Variants in LTBP4 observed in about 807,000 individuals in gnomAD.
LTBP4 encodes latent transforming growth factor beta binding protein 4, also known as latent-transforming growth factor beta-binding protein 4.
LTBP4 carries 93 observed loss-of-function variants against 180.2 expected under a neutral mutation model. That is an observed-to-expected ratio of 0.52 (90% CI 0.44 to 0.61). LTBP4 has a LOEUF of 0.61. LTBP4 is among the 20% of genes least tolerant of loss of function. The probability of loss-of-function intolerance (pLI) is 0.00; values close to 1 mark genes in which losing one functional copy is unlikely to be tolerated. For synonymous variants in LTBP4, 947 were observed against 934.5 expected (o/e 1.01, Z -0.24); for missense variants, 2,116 against 2,256.5 (o/e 0.94, Z 1.26).
intron 1 of LTBP4, among the ~76,000 whole-genome samples, chr19:40,602,533 A>C (rs915492620): frequency 6.6e-6 from 1 of 151,848 alleles, no homozygotes; most frequent in African/African-American, 2.4e-5. Flanking sequence ...GCGTGAGCTC[A>C]TCTCCCGCCT....
chr19:40,618,208 C>G (rs900500908), intron 21 of LTBP4, among the ~76,000 whole-genome samples: 12 of 151,836 alleles, frequency 7.9e-5, no homozygotes, highest in African/African-American at 2.9e-4. Flanking sequence ...GCTGCTACCA[C>G]AGGCACACGC....
At chr19:40,620,409 T>C (rs1311794306) in intron 22 of LTBP4, among the ~76,000 whole-genome samples, 1 of 152,064 alleles carries the variant, frequency 6.6e-6, no homozygotes, top group East Asian at 1.9e-4. Flanking sequence ...AGCTAATTTT[T>C]GTATTTTTTG....
In LTBP4 at chr19:40,625,301, TATATATA is replaced by T. The variant is rs2081623627; in HGVS notation, c.3833-555_3833-549del. Among the ~76,000 whole-genome samples, 3 of 20,386 alleles carry T rather than the reference TATATATA, an allele frequency of 1.5e-4. 1 individual carries two copies. The highest frequency in any genetic ancestry group is 8.5e-4 in the African/African-American group (2 of 2,358). 13.4% of individuals were successfully genotyped at this position (20,386 alleles called of 152,430 possible). ...ATATATATATATATATATATATATA[TATATATA>T]TATATATATTTTTTTTTTTAAAGAT... On this transcript the variant is annotated intron_variant, in intron 26 of 29. Coordinates refer to ENST00000396819, the MANE Select transcript of LTBP4 (RefSeq NM_001042545.2).
Position 40,623,672 on chromosome 19 carries a change from G to A in LTBP4, c.3625G>A (p.Gly1209Ser), listed in dbSNP as rs1242714390. 2.5e-6 allele frequency: 4 copies of A among 1,613,728 alleles called. No individual in the cohort carries two copies. The highest frequency in any genetic ancestry group is 2.2e-5 in the East Asian group (1 of 44,870). The change falls in exon 25 of 30, where the codon GGC becomes AGC. Residue 1209 changes from glycine to serine, a missense_variant. Physicochemically the swap from Gly to Ser is moderately conservative, Grantham distance 56. Transcript: ENST00000396819. ...KSGVCVNTAPGYSCYCSNGYY... is the reference protein window; with the variant it reads ...KSGVCVNTAPSYSCYCSNGYY... ...TGGCGTGTGTGTGAACACGGCCCCG[G>A]GCTACTCATGCTATTGCAGCAACGG... is the stretch of plus-strand genomic sequence containing the variant.
At position 40,606,312 on chromosome 19, in the gene LTBP4, A is replaced by G; in HGVS notation, c.868+5A>G. The G allele has an allele frequency of 3.7e-6, 6 of 1,601,736 alleles. No homozygotes were observed. The highest frequency in any genetic ancestry group is 5.1e-6 in the Non-Finnish European group (6 of 1,174,270). Reference sequence around the variant, plus strand: ...GAGTTAATGGGTCCTGCGAAGGTGCAACGGGGCAGGGGTGGGAGGGGCTTG... The same window carrying G: ...GAGTTAATGGGTCCTGCGAAGGTGCGACGGGGCAGGGGTGGGAGGGGCTTG... On this transcript the variant is annotated splice_donor_5th_base_variant and intron_variant, in intron 5 of 29. Coordinates refer to ENST00000396819, the MANE Select transcript of LTBP4 (RefSeq NM_001042545.2).
chr19:40,618,259 GTTT>G (rs1055926861), intron 21 of LTBP4, among the ~76,000 whole-genome samples: 1 of 135,884 alleles, frequency 7.4e-6, no homozygotes, highest in Non-Finnish European at 1.6e-5. Context: ...GTAGAGATGA[GTTT>G]TTTTTTTTTT....
At chr19:40,597,293 T>A, upstream of LTBP4, 1 of 1,523,772 alleles carries the variant, frequency 6.6e-7, no homozygotes, top group Non-Finnish European at 8.8e-7. Flanking sequence ...TTGCTGCCGC[T>A]CTTCGCAGCC....
intron 7 of LTBP4, 36 bp downstream of exon 7, chr19:40,607,565 A>G: frequency 6.4e-7 from 1 of 1,563,766 alleles, no homozygotes; most frequent in South Asian, 1.2e-5. Flanking sequence ...CCTACGCGCA[A>G]CACATGTGGC....
chr19:40,614,792 C>G (rs1357750018), intron 19 of LTBP4, among the ~76,000 whole-genome samples: 1 of 152,166 alleles, frequency 6.6e-6, no homozygotes, highest in Non-Finnish European at 1.5e-5. Context: ...GGCCCCTTCT[C>G]TTCCTAACAG....
intron 12 of LTBP4, 84 bp downstream of exon 12, chr19:40,610,741 A>G: frequency 6.7e-7 from 1 of 1,485,484 alleles, no homozygotes; most frequent in Non-Finnish European, 8.9e-7. Context: ...ACTGAACAAT[A>G]GGGCAAAGCG....
At chr19:40,598,771 A>C (rs1429925398), upstream of LTBP4, 3 of 242,656 alleles carry the variant, frequency 1.2e-5, no homozygotes, top group East Asian at 3.2e-4. Context: ...AAATGGCGCC[A>C]CCTGTCGGCC....
Position 40,627,269 on chromosome 19 carries a change from C to A in LTBP4, c.4280C>A (p.Pro1427Gln). 1.3e-6 allele frequency: 2 copies of A among 1,559,902 alleles called. No homozygotes were observed. The change falls in exon 28 of 30, where the codon CCG becomes CAG. Residue 1427 changes from proline to glutamine, a missense_variant. By Grantham distance (76) the Pro-to-Gln change is moderately conservative. Coordinates refer to ENST00000396819, the MANE Select transcript of LTBP4 (RefSeq NM_001042545.2). ...GESEAPAPPGPGTRWPYRSRD... is the reference protein window; with the variant it reads ...GESEAPAPPGQGTRWPYRSRD... ...TCTGAGGCTCCTGCGCCACCTGGCCCGGGCACCCGCTGGCCCTATCGGTCC... is the reference window on the plus strand; with the variant it reads ...TCTGAGGCTCCTGCGCCACCTGGCCAGGGCACCCGCTGGCCCTATCGGTCC...
rs1463606812 is a variant in LTBP4 at position 40,625,990 on chromosome 19, C to T, written c.3966C>T (p.Leu1322=). 2 of 1,605,928 alleles carry T rather than the reference C, an allele frequency of 1.2e-6. No homozygotes were observed. Among genetic ancestry groups the T allele is most frequent in the Non-Finnish European group, 1.7e-6 (2 of 1,176,912 alleles). Residue 1322 remains leucine, a synonymous_variant, in exon 27 of 30, where the codon CTC becomes CTT. Transcript: ENST00000396819. ...YGEAWGMDCA[L]CPAQDSDDFE... The stretch of plus-strand genomic sequence containing the variant: ...AGGCCTGGGGCATGGACTGCGCCCT[C>T]TGCCCTGCGCAGGACTCAGGTGCTG...
intron 22 of LTBP4, among the ~76,000 whole-genome samples, chr19:40,620,429 G>A (rs2081578389): frequency 6.7e-6 from 1 of 150,248 alleles, no homozygotes; most frequent in Non-Finnish European, 1.5e-5. Context: ...GTAGAGATGT[G>A]GTTTTGTCAT....
chr19:40,608,246 G>T lies in LTBP4; in HGVS notation c.1183G>T (p.Gly395Cys), dbSNP rs1438546206. The part of the protein sequence containing the change: ...SEGFREICPA[G>C]PGYHYSASDL... ...GGGTTTCCGGGAGATCTGCCCGGCT[G>T]GTCCTGGTTACCACTACTCGGCCTC... Residue 395 changes from glycine to cysteine, a missense_variant, in exon 8 of 30, where the codon GGT (glycine) becomes TGT (cysteine). By Grantham distance (159) the Gly-to-Cys change is radical. Coordinates refer to ENST00000396819, the MANE Select transcript of LTBP4 (RefSeq NM_001042545.2). 10 of 1,613,812 alleles carry T rather than the reference G, an allele frequency of 6.2e-6. No homozygotes were observed. The highest frequency in any genetic ancestry group is 1.7e-5 in the Admixed American group (1 of 60,002).
intron 29 of LTBP4, among the ~76,000 whole-genome samples, chr19:40,628,953 G>A (rs1296017485): frequency 6.6e-6 from 1 of 151,604 alleles, no homozygotes; most frequent in East Asian, 1.9e-4. Flanking sequence ...AGGTTCAAGC[G>A]ATTCTCCTGC....
rs370085121 is a variant in LTBP4, at chr19:40,611,992, C to T, written c.2179+8C>T. On this transcript the variant is annotated splice_region_variant and intron_variant, in intron 14 of 29. Coordinates refer to ENST00000396819, the MANE Select transcript of LTBP4 (RefSeq NM_001042545.2). This position sits in a 1 kb window ranked among gnomAD's most constrained non-coding sequence, Gnocchi z 4.4. The stretch of plus-strand genomic sequence containing the variant: ...CTGGCTCCGAGTGCGAGGGTGAGGC[C>T]GGGGAGGGAGGGAGGAGTGTGGATG... 8.8e-5 allele frequency: 141 copies of T among 1,611,304 alleles called. No homozygotes were observed. Among genetic ancestry groups the T allele is most frequent in the Admixed American group, 2.3e-4 (14 of 59,728 alleles).
intron 7 of LTBP4, 83 bp downstream of exon 7, chr19:40,607,612 C>T: frequency 7.1e-7 from 1 of 1,417,074 alleles, no homozygotes; most frequent in Non-Finnish European, 9.4e-7. Flanking sequence ...CCTGAGTTCA[C>T]TGCCCCAACC....
At chr19:40,614,221 C>T (rs944131804) in intron 18 of LTBP4, 94 bp from the exon 19 acceptor site, 29 of 1,509,686 alleles carry the variant, frequency 1.9e-5, no homozygotes, top group Non-Finnish European at 2.5e-5. Flanking sequence ...CTCTGCTTCC[C>T]CGGCCTCCCC....
Sources: allele counts gnomAD v4.1 joint callset (sites outside exome capture counted in the v4.1 genomes callset), GRCh38; gene constraint gnomAD v4.1.1; non-coding constraint Gnocchi (gnomAD v3.1); transcripts MANE v1.5; gene names NCBI Gene and HGNC (gene_info 2026-07-23, HGNC 2026-07-21).